The following VTI1A variants were observed in gnomAD, a reference collection of about 807,000 sequenced individuals.
The protein encoded by VTI1A is vesicle transport through interaction with t-SNAREs homolog 1A.
VTI1A carries 22 observed loss-of-function variants against 34.9 expected under a neutral mutation model. The observed-to-expected ratio is 0.63, with a 90% CI of 0.45 to 0.90. VTI1A has a LOEUF of 0.90. Among genes scored for constraint, VTI1A ranks in the 40% least tolerant of loss-of-function variants. VTI1A has a pLI of 0.00. For synonymous variants in VTI1A, 87 were observed against 97.3 expected (o/e 0.89, Z 0.62); for missense variants, 268 against 275.6 (o/e 0.97, Z 0.20).
At chr10:112,520,834 T>C (rs1231893430) in intron 3 of VTI1A, among the ~76,000 whole-genome samples, 1 of 151,808 alleles carries the variant, frequency 6.6e-6, no homozygotes. Context: ...TAAGCAAAAA[T>C]AATAAATGAG....
chr10:112,500,044 T>C (rs905942782), intron 3 of VTI1A, among the ~76,000 whole-genome samples: 4 of 152,234 alleles, frequency 2.6e-5, no homozygotes, highest in Admixed American at 2.6e-4. Context: ...TTCATGACTT[T>C]ACAGTACCTA....
At chr10:112,486,198 G>C (rs947370876) in intron 3 of VTI1A, among the ~76,000 whole-genome samples, 1 of 152,162 alleles carries the variant, frequency 6.6e-6, no homozygotes, top group African/African-American at 2.4e-5. Context: ...AGGCTTATAT[G>C]TGACAGCAAT....
At chr10:112,719,093 A>G (rs1849705375) in intron 7 of VTI1A, among the ~76,000 whole-genome samples, 1 of 152,262 alleles carries the variant, frequency 6.6e-6, no homozygotes, top group Non-Finnish European at 1.5e-5. Context: ...AGAGAAGGAA[A>G]GACTTTTATC....
At chr10:112,467,233 T>G (rs1847926311) in intron 3 of VTI1A, among the ~76,000 whole-genome samples, 1 of 152,136 alleles carries the variant, frequency 6.6e-6, no homozygotes, top group Non-Finnish European at 1.5e-5. Context: ...TCTCAAAGAG[T>G]ACAATACTGG....
rs149421634 is a variant in VTI1A, at chr10:112,567,898, G to T, written c.427+29568G>T. ...CATTTTAAATGAAGATGAGTGCTGA[G>T]AATTAGTGCTTAAATAGGGCACACA... On this transcript the variant is annotated intron_variant, in intron 5 of 7. Transcript: ENST00000393077. Among the ~76,000 whole-genome samples the T allele has an allele frequency of 2.6e-5, 4 of 152,270 alleles. No homozygotes were observed. In the East Asian group the frequency reaches 7.7e-4, roughly 29 times the overall value.
At chr10:112,537,172 T>G (rs1850659441) in intron 4 of VTI1A, among the ~76,000 whole-genome samples, 1 of 151,770 alleles carries the variant, frequency 6.6e-6, no homozygotes, top group Non-Finnish European at 1.5e-5. Flanking sequence ...GTTGTGGTTG[T>G]GTTTTTTCTT....
chr10:112,564,038 T>C (rs1404660237), intron 5 of VTI1A, among the ~76,000 whole-genome samples: 1 of 152,202 alleles, frequency 6.6e-6, no homozygotes, highest in Non-Finnish European at 1.5e-5. Context: ...TTAAAATATC[T>C]ACTAAAATGT....
At chr10:112,766,212 G>A (rs563084484) in intron 7 of VTI1A, among the ~76,000 whole-genome samples, 14 of 152,304 alleles carry the variant, frequency 9.2e-5, no homozygotes, top group African/African-American at 2.2e-4. Context: ...TAAAGAAGGC[G>A]TTCCGTGGAA....
chr10:112,533,962 T>A (rs1850536118), intron 4 of VTI1A, among the ~76,000 whole-genome samples: 1 of 152,144 alleles, frequency 6.6e-6, no homozygotes, highest in African/African-American at 2.4e-5. Context: ...TGTTCTTAAA[T>A]AAACTCCTTT....
At chr10:112,732,784 A>T (rs1850312758) in intron 7 of VTI1A, among the ~76,000 whole-genome samples, 1 of 152,228 alleles carries the variant, frequency 6.6e-6, no homozygotes, top group Admixed American at 6.5e-5. Context: ...TATGAATGCC[A>T]GAAAGTTTTT....
chr10:112,660,007 T>TG (rs1285731225), intron 5 of VTI1A, among the ~76,000 whole-genome samples: 2 of 152,238 alleles, frequency 1.3e-5, no homozygotes, highest in African/African-American at 4.8e-5. Context: ...AACGTTATTC[T>TG]GGGGGCAGGA....
intron 7 of VTI1A, among the ~76,000 whole-genome samples, chr10:112,794,101 G>A (rs1852587244): frequency 6.6e-6 from 1 of 152,062 alleles, no homozygotes; most frequent in Non-Finnish European, 1.5e-5. Flanking sequence ...TTTATTCAAG[G>A]AAAAAGGTGA....
chr10:112,531,131 A>G (rs1850425604), intron 4 of VTI1A, among the ~76,000 whole-genome samples: 1 of 145,342 alleles, frequency 6.9e-6, no homozygotes, highest in Non-Finnish European at 1.5e-5. Flanking sequence ...GCGCGCATGA[A>G]CCCTCACATG....
At chr10:112,780,909 C>T (rs1466181951) in intron 7 of VTI1A, among the ~76,000 whole-genome samples, 1 of 152,126 alleles carries the variant, frequency 6.6e-6, no homozygotes, top group African/African-American at 2.4e-5. Context: ...ATCCCTTTCT[C>T]ATTCCCACTC....
intron 3 of VTI1A, among the ~76,000 whole-genome samples, chr10:112,508,132 C>T (rs1424019616): frequency 1.3e-5 from 2 of 152,178 alleles, no homozygotes; most frequent in Admixed American, 1.3e-4. Context: ...AGCCCTGCCT[C>T]TTCTGCTTCT....
chr10:112,701,710 T>C (rs1849016149), intron 7 of VTI1A, among the ~76,000 whole-genome samples: 1 of 152,206 alleles, frequency 6.6e-6, no homozygotes, highest in Non-Finnish European at 1.5e-5. Context: ...CATTCAGAAA[T>C]GCAGATGTGC....
At chr10:112,500,342 G>A (rs1165281160) in intron 3 of VTI1A, among the ~76,000 whole-genome samples, 1 of 152,018 alleles carries the variant, frequency 6.6e-6, no homozygotes, top group East Asian at 1.9e-4. Flanking sequence ...GGCTGAGGCA[G>A]GAGAATTGCT....
At position 112,810,609 on chromosome 10, in the gene VTI1A, T is replaced by C. The variant is rs1219523828; in HGVS notation, c.561-4681T>C. Among the ~76,000 whole-genome samples the C allele has an allele frequency of 2.0e-5, 3 of 152,090 alleles. No homozygotes were observed. The East Asian group carries it at 5.8e-4, about 29-fold the overall frequency. Reference sequence around the variant, plus strand: ...AGCAAAGTTGCTGAGATCCACTCTGTTGGATGGACTTAAGTCACAAGCCTG... The same window carrying C: ...AGCAAAGTTGCTGAGATCCACTCTGCTGGATGGACTTAAGTCACAAGCCTG... On this transcript the variant is annotated intron_variant, in intron 7 of 7. Transcript: ENST00000393077.
intron 2 of VTI1A, among the ~76,000 whole-genome samples, chr10:112,461,726 T>C (rs534718347): frequency 1.8e-4 from 27 of 152,306 alleles, no homozygotes; most frequent in African/African-American, 6.5e-4. Context: ...TTCTATTTTA[T>C]TTTATTTTTG....
Sources: allele counts gnomAD v4.1 joint callset (sites outside exome capture counted in the v4.1 genomes callset), GRCh38; gene constraint gnomAD v4.1.1; transcripts MANE v1.5; gene names NCBI Gene and HGNC (gene_info 2026-07-23, HGNC 2026-07-21).